Variants in MAT2A observed in about 807,000 individuals in gnomAD.
MAT2A encodes methionine adenosyltransferase 2A.
MAT2A carries 3 observed loss-of-function variants against 43.9 expected under a neutral mutation model. That is an observed-to-expected ratio of 0.07 (90% CI 0.03 to 0.18). The LOEUF (loss-of-function observed/expected upper bound fraction) is 0.18, where lower values mean the gene tolerates loss of function less well. MAT2A is among the 10% of genes least tolerant of loss of function. MAT2A has a pLI of 1.00. For synonymous variants in MAT2A, 200 were observed against 168.4 expected (o/e 1.19, Z -1.45); for missense variants, 204 against 489.0 (o/e 0.42, Z 5.50).
Position 85,545,170 on chromosome 2 carries a change from TAAGC to T in MAT2A, c.*1400_*1403del, listed in dbSNP as rs1691596449. 1 of 152,636 alleles carries T rather than the reference TAAGC, an allele frequency of 6.6e-6. No homozygotes were observed. Among genetic ancestry groups the T allele is most frequent in the Non-Finnish European group, 1.5e-5 (1 of 68,030 alleles). The allele number at this position is 152,636 out of a possible 1,614,324, so 9.5% of individuals were successfully genotyped here. A position where few individuals can be genotyped will look rare whatever the true frequency, so the allele number is the denominator to read the frequency against. On this transcript the variant is annotated 3_prime_UTR_variant, in exon 9 of 9. Coordinates refer to ENST00000306434, the MANE Select transcript of MAT2A (RefSeq NM_005911.6). ...ATGCTTATTCCATGACTGCTTGCCC[TAAGC>T]AGAAAGTGCCTTTCAGGATCTATTT...
rs1040972738 is a variant in MAT2A, at chr2:85,544,618, A to G, written c.*846A>G. On this transcript the variant is annotated 3_prime_UTR_variant, in exon 9 of 9. Coordinates refer to ENST00000306434, the MANE Select transcript of MAT2A (RefSeq NM_005911.6). ...ATGTCATACAGAGAAGTCACAGGGC[A>G]GTACCTGAGGGTCTGTAGGTTGCAC... is the stretch of plus-strand genomic sequence containing the variant. 7.2e-5 allele frequency: 11 copies of G among 152,690 alleles called. No homozygotes were observed. Among genetic ancestry groups the G allele is most frequent in the African/African-American group, 2.7e-4 (11 of 41,468 alleles). The allele number at this position is 152,690 out of a possible 1,614,324, so 9.5% of individuals were successfully genotyped here. A position where few individuals can be genotyped will look rare whatever the true frequency, so the allele number is the denominator to read the frequency against.
At position 85,543,963 on chromosome 2, in the gene MAT2A, C is replaced by T. The variant is rs948859314; in HGVS notation, c.*191C>T. The T allele has an allele frequency of 1.5e-5, 8 of 522,506 alleles. No individual in the cohort carries two copies. Among genetic ancestry groups the T allele is most frequent in the East Asian group, 1.3e-4 (4 of 30,940 alleles). 32.4% of individuals were successfully genotyped at this position (522,506 alleles called of 1,614,324 possible). On this transcript the variant is annotated 3_prime_UTR_variant, in exon 9 of 9. Transcript: ENST00000306434. ...GTAAGTTGGGCTTGCTATTCTGTCC[C>T]TAGGTGTTTTGTTCACCATTATAAT...
At chr2:85,540,025 C>T (rs1291485712) in intron 1 of MAT2A, 3 of 152,312 alleles carry the variant, frequency 2.0e-5, no homozygotes, top group Non-Finnish European at 2.9e-5. Flanking sequence ...CTAAATATAG[C>T]TCATGTCCAA....
rs1329069013 is a variant in MAT2A at position 85,544,335 on chromosome 2, A to T, written c.*563A>T. ...GTGTTCCCTATCCAATCAATCTTGC[A>T]TGTAACGCAAGTTCCCAGTTGGAGC... On this transcript the variant is annotated 3_prime_UTR_variant, in exon 9 of 9. Coordinates refer to ENST00000306434, the MANE Select transcript of MAT2A (RefSeq NM_005911.6). 1 of 152,598 alleles carries T rather than the reference A, an allele frequency of 6.6e-6. No individual in the cohort carries two copies. Among genetic ancestry groups the T allele is most frequent in the African/African-American group, 2.4e-5 (1 of 41,434 alleles). 9.5% of individuals were successfully genotyped at this position (152,598 alleles called of 1,614,324 possible). A position where few individuals can be genotyped will look rare whatever the true frequency, so the allele number is the denominator to read the frequency against.
Position 85,542,998 on chromosome 2 carries a change from A to T in MAT2A, c.1049A>T (p.Lys350Met), listed in dbSNP as rs371262419. The change falls in exon 8 of 9, where the codon AAG becomes ATG. Residue 350 changes from lysine to methionine, a missense_variant. Lys to Met is a moderately conservative substitution (Grantham distance 95, BLOSUM62 -1). This residue lies in a region of MAT2A where 45 missense variants were observed against 106.8 expected (regional missense o/e 0.42). Transcript: ENST00000306434. ...GAGAGAGAGCTATTAGAGATTGTGA[A>T]GAAGAATTTCGATCTCCGCCCTGGG... is the stretch of plus-strand genomic sequence containing the variant. ...KSERELLEIV[K>M]KNFDLRPGVI... 8.7e-6 allele frequency: 14 copies of T among 1,613,278 alleles called. No homozygotes were observed. The highest frequency in any genetic ancestry group is 1.2e-5 in the Non-Finnish European group (14 of 1,180,012).
intron 8 of MAT2A, chr2:85,543,430 C>G: frequency 2.2e-6 from 1 of 449,848 alleles, no homozygotes; most frequent in East Asian, 3.7e-5. Context: ...ATTGAAATTT[C>G]TCAGAATAAT....
Position 85,539,216 on chromosome 2 carries a change from T to C in MAT2A, c.-72T>C, listed in dbSNP as rs1436968539. 1.8e-6 allele frequency: 2 copies of C among 1,094,072 alleles called. No homozygotes were observed. Among genetic ancestry groups the C allele is most frequent in the African/African-American group, 1.6e-5 (1 of 62,498 alleles). The allele number at this position is 1,094,072 out of a possible 1,614,324, so 67.8% of individuals were successfully genotyped here. ...CTACGAGTAGAACGCTGTCCGCAGC[T>C]TGCGCATTTCGCAGCCGCTGCCGCC... On this transcript the variant is annotated 5_prime_UTR_variant, in exon 1 of 9. Transcript: ENST00000306434.
chr2:85,541,005 CAG>C (rs1491099467), intron 1 of MAT2A, 76 bp from the exon 2 acceptor site: 10 of 871,436 alleles, frequency 1.1e-5, no homozygotes, highest in Admixed American at 4.5e-5. Context: ...CAGATAGTAA[CAG>C]GGAGGGAGCT....
chr2:85,542,422 ATTTTGGCT>A (rs1184836767), intron 6 of MAT2A, 49 bp downstream of exon 6: 3 of 1,585,782 alleles, frequency 1.9e-6, no homozygotes, highest in Non-Finnish European at 1.7e-6. Context: ...GTTACTTAAA[ATTTTGGCT>A]ACTACATTTT....
rs753175779 is a variant in MAT2A, at chr2:85,542,937, A to G, written c.988A>G (p.Ile330Val). 34 of 1,613,672 alleles carry G rather than the reference A, an allele frequency of 2.1e-5. No homozygotes were observed. Among genetic ancestry groups the G allele is most frequent in the South Asian group, 1.9e-4 (17 of 91,056 alleles). ...TATTGGAGTTTCTCATCCATTATCT[A>G]TCTCCATTTTCCATTATGGTACCTC... The part of the protein sequence containing the change: ...YAIGVSHPLS[I>V]SIFHYGTSQK... The change falls in exon 8 of 9, where the codon ATC becomes GTC. Residue 330 changes from isoleucine to valine, a missense_variant. Transcript: ENST00000306434.
At chr2:85,539,801 C>T (rs1691416070) in intron 1 of MAT2A, 2 of 157,808 alleles carry the variant, frequency 1.3e-5, no homozygotes, top group Middle Eastern at 3.3e-3. Context: ...CGCATTGCAG[C>T]GGCGACCACG....
At chr2:85,542,827 T>C in intron 7 of MAT2A, 74 bp from the exon 8 acceptor site, 2 of 1,566,492 alleles carry the variant, frequency 1.3e-6, no homozygotes, top group Non-Finnish European at 1.7e-6. Context: ...TAACTACTTG[T>C]TTTATACCAA....
At chr2:85,543,634 A>G in intron 8 of MAT2A, 36 bp from the exon 9 acceptor site, 3 of 1,231,922 alleles carry the variant, frequency 2.4e-6, no homozygotes, top group Non-Finnish European at 3.5e-6. Flanking sequence ...TTTTAATTTA[A>G]TGCTACATAT....
At chr2:85,540,670 T>G (rs950349657) in intron 1 of MAT2A, among the ~76,000 whole-genome samples, 1 of 152,240 alleles carries the variant, frequency 6.6e-6, no homozygotes, top group Admixed American at 6.5e-5. Context: ...ATCAGATAAT[T>G]GCCATTTTAG....
rs957528509 is a variant in MAT2A, at chr2:85,544,766, C to T, written c.*994C>T. ...TTCAAAACCAGGTCCAATGAGCTTT[C>T]TGAACAGCTGGTGTAGCTACAGAGA... On this transcript the variant is annotated 3_prime_UTR_variant, in exon 9 of 9. Transcript: ENST00000306434. 12 of 152,586 alleles carry T rather than the reference C, an allele frequency of 7.9e-5. No homozygotes were observed. Among genetic ancestry groups the T allele is most frequent in the African/African-American group, 2.7e-4 (11 of 41,432 alleles). 9.5% of individuals were successfully genotyped at this position (152,586 alleles called of 1,614,324 possible). A position where few individuals can be genotyped will look rare whatever the true frequency, so the allele number is the denominator to read the frequency against.
chr2:85,543,410 C>T, intron 8 of MAT2A: 1 of 440,836 alleles, frequency 2.3e-6, no homozygotes, highest in Non-Finnish European at 4.1e-6. Flanking sequence ...CTCAGGTGAG[C>T]TTTTTGACAA....
At chr2:85,542,441 T>A in intron 6 of MAT2A, 68 bp downstream of exon 6, 1 of 1,562,614 alleles carries the variant, frequency 6.4e-7, no homozygotes, top group Non-Finnish European at 8.8e-7. Context: ...ACTACATTTT[T>A]TTCAGGCTTT....
chr2:85,541,222 G>A (rs768445310), intron 2 of MAT2A, 33 bp from the exon 3 acceptor site: 5 of 1,613,108 alleles, frequency 3.1e-6, no homozygotes, highest in Middle Eastern at 1.7e-4. Flanking sequence ...TTTTATAGAA[G>A]TGATGTTTGA....
At chr2:85,542,065 T>G in intron 5 of MAT2A, 90 bp from the exon 6 acceptor site, 1 of 1,584,236 alleles carries the variant, frequency 6.3e-7, no homozygotes, top group Non-Finnish European at 8.7e-7. Flanking sequence ...AAAAATAGCA[T>G]TTGTTTTCCT....
Sources: gnomAD v4.1 joint callset for allele counts (sites outside exome capture counted in the v4.1 genomes callset) on GRCh38, gnomAD v4.1.1 for gene constraint, gnomAD v4.1.1 regional missense constraint, MANE v1.5 for transcripts, NCBI Gene and HGNC (gene_info 2026-07-23, HGNC 2026-07-21) for gene names.